Variants in PHF21A observed in about 807,000 individuals in gnomAD.
The protein encoded by PHF21A is BHC80a.
A neutral mutation model predicts 82.5 loss-of-function variants in PHF21A; 11 were observed. The ratio of observed to expected loss-of-function variants is 0.13; its 90% CI spans 0.08 to 0.22. The LOEUF is 0.22. Ranked by LOEUF, PHF21A falls within the 10% of genes least tolerant of loss-of-function variation. PHF21A has a pLI of 1.00. For missense variants in PHF21A, 579 were observed against 837.8 expected, an observed-to-expected ratio of 0.69 and a Z score of 3.81; for synonymous variants, 297 against 302.8, an observed-to-expected ratio of 0.98 and a Z score of 0.20.
At chr11:45,998,068 A>T (rs1441600767) in intron 6 of PHF21A, among the ~76,000 whole-genome samples, 1 of 152,198 alleles carries the variant, frequency 6.6e-6, no homozygotes, top group Non-Finnish European at 1.5e-5. Context: ...ATATACATGT[A>T]CCACTGTGGA....
At chr11:45,996,507 G>T (rs1390950447) in intron 6 of PHF21A, among the ~76,000 whole-genome samples, 6 of 152,006 alleles carry the variant, frequency 3.9e-5, no homozygotes, top group Non-Finnish European at 8.8e-5. Flanking sequence ...CCCTTTTTGA[G>T]AGACAGAGAG....
intron 6 of PHF21A, among the ~76,000 whole-genome samples, chr11:46,008,183 G>A (rs1005057444): frequency 1.3e-5 from 2 of 152,100 alleles, no homozygotes; most frequent in Non-Finnish European, 2.9e-5. Context: ...ACTCACATAC[G>A]CCCATACACT....
chr11:46,007,610 C>T (rs1401768041), intron 6 of PHF21A, among the ~76,000 whole-genome samples: 2 of 152,064 alleles, frequency 1.3e-5, no homozygotes. Context: ...CCACCGTGCC[C>T]GGCCCCATCT....
chr11:46,005,022 T>C (rs2095259627), intron 6 of PHF21A, among the ~76,000 whole-genome samples: 2 of 152,188 alleles, frequency 1.3e-5, no homozygotes, highest in African/African-American at 4.8e-5. Context: ...ATTATGCAGT[T>C]AAATTTTAAC....
chr11:46,104,853 TA>T (rs2097136807), intron 1 of PHF21A, among the ~76,000 whole-genome samples: 1 of 152,182 alleles, frequency 6.6e-6, no homozygotes, highest in African/African-American at 2.4e-5. Flanking sequence ...GGAGTGAGCT[TA>T]AATAATTAGT....
intron 6 of PHF21A, among the ~76,000 whole-genome samples, chr11:46,072,467 G>A (rs138728130): frequency 3.2e-4 from 49 of 152,316 alleles, no homozygotes; most frequent in Non-Finnish European, 6.3e-4. Flanking sequence ...AACAGAATAG[G>A]AGGAACCTGG....
intron 6 of PHF21A, among the ~76,000 whole-genome samples, chr11:45,991,263 T>C (rs1025297423): frequency 6.6e-6 from 1 of 152,146 alleles, no homozygotes; most frequent in Non-Finnish European, 1.5e-5. Flanking sequence ...TGTATCACAG[T>C]AGTACCTTGA....
rs367743152 is a variant in PHF21A at position 46,026,010 on chromosome 11, C to T, written c.154-46044G>A. Among the ~76,000 whole-genome samples the T allele has an allele frequency of 3.1e-3, 469 of 152,132 alleles. 3 individuals are homozygous for T. Among genetic ancestry groups the T allele is most frequent in the South Asian group, 0.011 (52 of 4,806 alleles). The stretch of plus-strand genomic sequence containing the variant: ...ACTTTATGCAGATTTTGACAATGTC[C>T]CAAGAATGTCCTTTAAGTAAAAGAG... On this transcript the variant is annotated intron_variant, in intron 6 of 18. Transcript: ENST00000676320.
At chr11:46,026,327 G>A (rs1051283961) in intron 6 of PHF21A, among the ~76,000 whole-genome samples, 4 of 152,148 alleles carry the variant, frequency 2.6e-5, no homozygotes, top group African/African-American at 9.7e-5. Context: ...GTGGAATATT[G>A]AGGTGCAGAC....
intron 1 of PHF21A, among the ~76,000 whole-genome samples, chr11:46,092,653 T>C (rs1353470977): frequency 6.6e-6 from 1 of 152,162 alleles, no homozygotes; most frequent in Non-Finnish European, 1.5e-5. Context: ...CAATTAATCT[T>C]GAAATGTATT....
chr11:46,036,107 T>C (rs1565658615), intron 6 of PHF21A, among the ~76,000 whole-genome samples: 1 of 152,218 alleles, frequency 6.6e-6, no homozygotes, highest in Non-Finnish European at 1.5e-5. Flanking sequence ...AAAAGATATC[T>C]AAGAAGAAGA....
chr11:46,085,578 G>A (rs1353964735), intron 3 of PHF21A, among the ~76,000 whole-genome samples: 1 of 151,860 alleles, frequency 6.6e-6, no homozygotes, highest in African/African-American at 2.4e-5. Context: ...TTTCTTCTTT[G>A]CACCTATAAA....
chr11:45,945,961 A>G lies in PHF21A; in HGVS notation c.1331T>C (p.Leu444Pro). 6.2e-7 allele frequency: 1 copy of G among 1,613,694 alleles called. No individual in the cohort carries two copies. The highest frequency in any genetic ancestry group is 8.5e-7 in the Non-Finnish European group (1 of 1,179,732). ...ACTGGATTGGGGGGATGTTGGGGTA[A>G]GGGCTCCAAACCCCAGCACTGCATT... Reference protein sequence around the residue: ...KYNAVLGFGALTPTSPQSSHP... With the variant: ...KYNAVLGFGAPTPTSPQSSHP... Residue 444 changes from leucine to proline, a missense_variant, in exon 15 of 19, where the codon CTT (leucine) becomes CCT (proline). By Grantham distance (98) the Leu-to-Pro change is moderately conservative (BLOSUM62 -3). Coordinates refer to ENST00000676320, the MANE Select transcript of PHF21A (RefSeq NM_001352027.3).
At chr11:46,013,942 C>G (rs1432380847) in intron 6 of PHF21A, among the ~76,000 whole-genome samples, 3 of 152,186 alleles carry the variant, frequency 2.0e-5, no homozygotes, top group Non-Finnish European at 2.9e-5. Context: ...TTACTATACA[C>G]TACTCTAGAC....
chr11:45,959,847 C>T lies in PHF21A; in HGVS notation c.996+5468G>A, dbSNP rs931085954. 2.0e-5 allele frequency among the ~76,000 whole-genome samples: 3 copies of T among 152,126 alleles called. 1 individual carries two copies. The highest frequency in any genetic ancestry group is 1.3e-4 in the Admixed American group (2 of 15,270). ...TATATAAAGAACTCTTACAACTCAA[C>T]AACAGAAAAATAACCCAATTTAAAA... On this transcript the variant is annotated intron_variant, in intron 10 of 18. Coordinates refer to ENST00000676320, the MANE Select transcript of PHF21A (RefSeq NM_001352027.3).
At chr11:46,019,766 T>C (rs939042923) in intron 6 of PHF21A, among the ~76,000 whole-genome samples, 2 of 152,178 alleles carry the variant, frequency 1.3e-5, no homozygotes, top group African/African-American at 2.4e-5. Flanking sequence ...AGTTAAACAG[T>C]AGCTCTGCTC....
intron 1 of PHF21A, among the ~76,000 whole-genome samples, chr11:46,107,457 G>A (rs1323124383): frequency 2.6e-5 from 4 of 152,158 alleles, no homozygotes; most frequent in Admixed American, 6.5e-5. Context: ...TGCTACCAAT[G>A]AGAAAAACTA....
intron 6 of PHF21A, among the ~76,000 whole-genome samples, chr11:46,038,144 G>A (rs1259584468): frequency 6.7e-6 from 1 of 150,028 alleles, no homozygotes; most frequent in Non-Finnish European, 1.5e-5. Context: ...TTTTTTAAAT[G>A]GAGTTTTGCT....
chr11:46,074,272 T>C (rs1235202644), intron 6 of PHF21A, among the ~76,000 whole-genome samples: 1 of 151,958 alleles, frequency 6.6e-6, no homozygotes, highest in African/African-American at 2.4e-5. Context: ...TAGAAGCAAA[T>C]ATGACAAAGG....
Sources: gnomAD v4.1 joint callset for allele counts (sites outside exome capture counted in the v4.1 genomes callset) on GRCh38, gnomAD v4.1.1 for gene constraint, MANE v1.5 for transcripts, NCBI Gene and HGNC (gene_info 2026-07-23, HGNC 2026-07-21) for gene names.